PACRG: variants seen among roughly 807,000 people sequenced by gnomAD.
PACRG encodes parkin coregulated, also known as parkin coregulated gene protein.
A neutral mutation model predicts 29.7 loss-of-function variants in PACRG; 29 were observed. The observed-to-expected ratio is 0.98, with a 90% CI of 0.73 to 1.33. PACRG has a LOEUF of 1.33. PACRG is among the 40% of genes most tolerant of loss of function. PACRG has a pLI of 0.00. For missense variants in PACRG, 279 were observed against 316.2 expected (o/e 0.88, Z 0.89); for synonymous variants, 116 against 118.7 (o/e 0.98, Z 0.15).
chr6:162,877,162 A>G lies in PACRG; in HGVS notation c.291+62881A>G, dbSNP rs1019520309. Among the ~76,000 whole-genome samples the G allele has an allele frequency of 7.9e-5, 12 of 152,208 alleles. No homozygotes were observed. The East Asian group carries it at 9.6e-4, about 12-fold the overall frequency. On this transcript the variant is annotated intron_variant, in intron 2 of 4. Transcript: ENST00000366888. ...TAAGTTTATTGCAGCACTATTTACA[A>G]TAGCAAAGACTTGGAACCAACCCAA... is the stretch of plus-strand genomic sequence containing the variant.
At chr6:162,890,744 T>C (rs2128038773) in intron 2 of PACRG, among the ~76,000 whole-genome samples, 1 of 152,320 alleles carries the variant, frequency 6.6e-6, no homozygotes, top group Admixed American at 6.5e-5. Flanking sequence ...TCACATACCC[T>C]GTGAATCAGC....
At chr6:162,943,643 AC>A (rs1798792170) in intron 2 of PACRG, among the ~76,000 whole-genome samples, 1 of 151,854 alleles carries the variant, frequency 6.6e-6, no homozygotes, top group Non-Finnish European at 1.5e-5. Flanking sequence ...CTGAGGACAG[AC>A]TCACTTAGCC....
chr6:162,815,733 G>C (rs1787278915), intron 2 of PACRG, among the ~76,000 whole-genome samples: 1 of 151,882 alleles, frequency 6.6e-6, no homozygotes, highest in Non-Finnish European at 1.5e-5. Flanking sequence ...GTTTTGTTTG[G>C]ATTTTTGGAT....
At position 162,823,271 on chromosome 6, in the gene PACRG, G is replaced by C. The variant is rs190874527; in HGVS notation, c.291+8990G>C. ...CCATGTATTTTTCTTTTCCTTTTGT[G>C]TATTCTTCCATTAGTACAGTAAGCT... On this transcript the variant is annotated intron_variant, in intron 2 of 4. Transcript: ENST00000366888. Among the ~76,000 whole-genome samples, 461 of 151,950 alleles carry C rather than the reference G, an allele frequency of 3.0e-3. 2 individuals carry two copies. The highest frequency in any genetic ancestry group is 9.7e-3 in the African/African-American group (404 of 41,460).
In PACRG at chr6:163,269,968, AAAG is replaced by A. The variant is rs1783749745; in HGVS notation, c.614-44856_614-44854del. Among the ~76,000 whole-genome samples the A allele has an allele frequency of 4.4e-4, 33 of 75,752 alleles. 1 individual carries two copies. The highest frequency in any genetic ancestry group is 6.6e-4 in the Admixed American group (5 of 7,582). 49.7% of individuals were successfully genotyped at this position (75,752 alleles called of 152,430 possible). A position where few individuals can be genotyped will look rare whatever the true frequency, so the allele number is the denominator to read the frequency against. ...GAAAGAAAGAAAGAAAGAAAGAAAG[AAAG>A]AAAGAAAGAAAGAAAGAAAGAAAGA... On this transcript the variant is annotated intron_variant, in intron 4 of 4. Coordinates refer to ENST00000366888, the MANE Select transcript of PACRG (RefSeq NM_001080379.2).
At chr6:162,883,264 T>C (rs942233653) in intron 2 of PACRG, among the ~76,000 whole-genome samples, 1 of 152,170 alleles carries the variant, frequency 6.6e-6, no homozygotes, top group African/African-American at 2.4e-5. Flanking sequence ...GCACATGAAA[T>C]ATCCAGGAAA....
chr6:163,205,197 A>G (rs934735538), intron 4 of PACRG, among the ~76,000 whole-genome samples: 1 of 152,264 alleles, frequency 6.6e-6, no homozygotes, highest in African/African-American at 2.4e-5. Context: ...GACATTCTTC[A>G]TAGAATTAGA....
intron 4 of PACRG, among the ~76,000 whole-genome samples, chr6:163,145,912 G>A (rs1293922587): frequency 6.6e-6 from 1 of 152,210 alleles, no homozygotes; most frequent in Non-Finnish European, 1.5e-5. Flanking sequence ...GCGGTGAGGA[G>A]AGAGAGCTGC....
chr6:162,727,343 T>G, upstream of PACRG: 3 of 299,186 alleles, frequency 1.0e-5, no homozygotes, highest in East Asian at 2.9e-4. Context: ...GGGAGAAGGC[T>G]TCGGGACCCC....
chr6:162,808,189 G>A (rs1255644639), intron 1 of PACRG, among the ~76,000 whole-genome samples: 5 of 152,160 alleles, frequency 3.3e-5, no homozygotes, highest in South Asian at 2.1e-4. Flanking sequence ...AGGAGCCTAC[G>A]CTGAAGGTAA....
At chr6:163,308,198 T>C (rs73603745) in intron 4 of PACRG, among the ~76,000 whole-genome samples, 3,848 of 152,366 alleles carry the variant, frequency 0.025, 171 homozygotes, top group African/African-American at 0.088. Flanking sequence ...TTATGAGTTA[T>C]TGTTAATGAC....
chr6:162,760,784 G>A (rs916826007), intron 1 of PACRG, among the ~76,000 whole-genome samples: 9 of 152,078 alleles, frequency 5.9e-5, no homozygotes, highest in Admixed American at 4.6e-4. Context: ...TTTTAGGGTG[G>A]CAGTGACATG....
intron 2 of PACRG, among the ~76,000 whole-genome samples, chr6:163,005,908 A>G (rs1336140605): frequency 6.8e-6 from 1 of 147,580 alleles, no homozygotes; most frequent in Non-Finnish European, 1.5e-5. Context: ...TATACGTGTT[A>G]TATATATAAC....
chr6:162,972,079 T>C (rs1801578632), intron 2 of PACRG, among the ~76,000 whole-genome samples: 1 of 152,308 alleles, frequency 6.6e-6, no homozygotes, highest in Admixed American at 6.5e-5. Flanking sequence ...GAACACTGGG[T>C]CAGAGATCTG....
chr6:162,995,576 G>T (rs1035678606), intron 2 of PACRG, among the ~76,000 whole-genome samples: 2 of 152,204 alleles, frequency 1.3e-5, no homozygotes, highest in Admixed American at 1.3e-4. Flanking sequence ...CCCACGTGAG[G>T]CAATGCCTTG....
chr6:163,224,063 G>A (rs1031794908), intron 4 of PACRG, among the ~76,000 whole-genome samples: 3 of 152,120 alleles, frequency 2.0e-5, no homozygotes, highest in East Asian at 1.9e-4. Context: ...CCAAAGCAAC[G>A]TTGAGCAAAA....
intron 4 of PACRG, among the ~76,000 whole-genome samples, chr6:163,211,794 C>T (rs1157370635): frequency 1.3e-5 from 2 of 152,126 alleles, no homozygotes; most frequent in African/African-American, 4.8e-5. Flanking sequence ...AATAAGCAAA[C>T]AGGTCATGAG....
intron 2 of PACRG, among the ~76,000 whole-genome samples, chr6:163,061,517 G>T (rs956991611): frequency 6.6e-6 from 1 of 152,192 alleles, no homozygotes; most frequent in Admixed American, 6.5e-5. Flanking sequence ...CAGGCAAAGG[G>T]AGGTTGGGAT....
At chr6:163,108,312 G>T (rs1280019257) in intron 4 of PACRG, among the ~76,000 whole-genome samples, 2 of 150,150 alleles carry the variant, frequency 1.3e-5, no homozygotes, top group Non-Finnish European at 3.0e-5. Context: ...TTCTACCATT[G>T]TAAGTTTCCT....
Sources: gnomAD v4.1 joint callset for allele counts (sites outside exome capture counted in the v4.1 genomes callset) on GRCh38, gnomAD v4.1.1 for gene constraint, MANE v1.5 for transcripts, NCBI Gene and HGNC (gene_info 2026-07-23, HGNC 2026-07-21) for gene names.